The following ARID4A variants were observed in gnomAD, a reference collection of about 807,000 sequenced individuals.
ARID4A encodes AT-rich interactive domain-containing protein 4A.
Under a neutral mutation model 148.6 loss-of-function variants are expected in ARID4A, and 39 were observed. That is an observed-to-expected ratio of 0.26 (90% confidence interval 0.20 to 0.34). The LOEUF is 0.34. ARID4A is among the 10% of genes least tolerant of loss of function. The probability of loss-of-function intolerance (pLI) is 1.00; values close to 1 mark genes in which losing one functional copy is unlikely to be tolerated. For missense variants in ARID4A, 1,265 were observed against 1,449.1 expected (o/e 0.87, Z 2.06); for synonymous variants, 475 against 481.2 (o/e 0.99, Z 0.17).
At chr14:58,346,665 C>A (rs1187639009) in intron 13 of ARID4A, among the ~76,000 whole-genome samples, 160 bp downstream of exon 13, 8 of 151,772 alleles carry the variant, frequency 5.3e-5, no homozygotes, top group Admixed American at 5.3e-4. Flanking sequence ...CGGTGGCTCA[C>A]GCCTGTAATC....
rs2035636954 is a variant in ARID4A, at chr14:58,372,012, A to G, written c.*23A>G. The G allele has an allele frequency of 6.5e-7, 1 of 1,528,620 alleles. No homozygotes were observed. Among genetic ancestry groups the G allele is most frequent in the Non-Finnish European group, 9.1e-7 (1 of 1,104,470 alleles). The allele number at this position is 1,528,620 out of a possible 1,614,324, so 94.7% of individuals were successfully genotyped here. A position where few individuals can be genotyped will look rare whatever the true frequency, so the allele number is the denominator to read the frequency against. On this transcript the variant is annotated 3_prime_UTR_variant, in exon 24 of 24. Coordinates refer to ENST00000355431, the MANE Select transcript of ARID4A (RefSeq NM_002892.4). Reference sequence around the variant, plus strand: ...TGATAAACATTTTCTCTACCTTCCCAGCAGTTTGCTGCCATGGACATAAAT... The same window carrying G: ...TGATAAACATTTTCTCTACCTTCCCGGCAGTTTGCTGCCATGGACATAAAT...
At chr14:58,316,285 T>A (rs1201261857) in intron 5 of ARID4A, among the ~76,000 whole-genome samples, 1 of 151,954 alleles carries the variant, frequency 6.6e-6, no homozygotes, top group African/African-American at 2.4e-5. Flanking sequence ...TGATAATTGT[T>A]TTTGGGTACA....
rs869137059 is a variant in ARID4A at position 58,345,719 on chromosome 14, C to CTTTTTTT, written c.980-669_980-663dup. Among the ~76,000 whole-genome samples the CTTTTTTT allele has an allele frequency of 2.0e-4, 15 of 75,872 alleles. 2 individuals are homozygous for CTTTTTTT. Among genetic ancestry groups the CTTTTTTT allele is most frequent in the South Asian group, 5.1e-4 (1 of 1,958 alleles). 49.8% of individuals were successfully genotyped at this position (75,872 alleles called of 152,430 possible). On this transcript the variant is annotated intron_variant, in intron 12 of 23. Transcript: ENST00000355431. ...TCTGTTGTGTTTGTTTATGCCTAAACTTTTTTTTTTTTTTTTTTTTTTTTT... is the reference window on the plus strand; with the variant it reads ...TCTGTTGTGTTTGTTTATGCCTAAACTTTTTTTTTTTTTTTTTTTTTTTTTTTTTTTT...
chr14:58,331,301 A>G (rs1467873180), intron 11 of ARID4A: 1 of 152,242 alleles, frequency 6.6e-6, no homozygotes, highest in African/African-American at 2.4e-5. Flanking sequence ...GAGGTTTGCC[A>G]GATGCTTTGA....
chr14:58,308,426 T>C (rs552381564), intron 5 of ARID4A, among the ~76,000 whole-genome samples: 3 of 152,326 alleles, frequency 2.0e-5, no homozygotes, highest in South Asian at 4.1e-4. Context: ...TTCACACTTA[T>C]AAAAACAGGG....
rs755285966 is a variant in ARID4A at position 58,367,042 on chromosome 14, T to A, written c.3670+13T>A. On this transcript the variant is annotated intron_variant, in intron 23 of 23. Coordinates refer to ENST00000355431, the MANE Select transcript of ARID4A (RefSeq NM_002892.4). ...AAAGACAGGGAAGGTAATTTTATTA[T>A]GATTTTTCTCCCCTTATATTTCAAA... is the stretch of plus-strand genomic sequence containing the variant. 1 of 1,468,164 alleles carries A rather than the reference T, an allele frequency of 6.8e-7. No homozygotes were observed. The highest frequency in any genetic ancestry group is 2.7e-5 in the Admixed American group (1 of 36,990). 90.9% of individuals were successfully genotyped at this position (1,468,164 alleles called of 1,614,324 possible).
At chr14:58,367,125 T>G (rs576331631) in intron 23 of ARID4A, 96 bp downstream of exon 23, 55 of 945,478 alleles carry the variant, frequency 5.8e-5, no homozygotes, top group Non-Finnish European at 7.5e-5. Flanking sequence ...ATAGTACACA[T>G]TCATTAATTG....
intron 2 of ARID4A, among the ~76,000 whole-genome samples, chr14:58,300,692 T>A (rs2031080229): frequency 6.6e-6 from 1 of 152,150 alleles, no homozygotes. Context: ...TGGGAAAACT[T>A]ATTAGAAAAC....
intron 1 of ARID4A, 37 bp from the exon 2 acceptor site, chr14:58,299,761 T>C: frequency 6.4e-7 from 1 of 1,567,390 alleles, no homozygotes; most frequent in Non-Finnish European, 8.8e-7. Flanking sequence ...CGCAGTTGAC[T>C]GATTATGTCT....
intron 7 of ARID4A, among the ~76,000 whole-genome samples, chr14:58,320,450 G>A (rs1291193543): frequency 6.6e-6 from 1 of 152,188 alleles, no homozygotes; most frequent in South Asian, 2.1e-4. Flanking sequence ...AACTTTGTCA[G>A]TTGTTCCAAT....
At position 58,299,655 on chromosome 14, in the gene ARID4A, C is replaced by T. The variant is rs1351091578; in HGVS notation, c.-57-143C>T. On this transcript the variant is annotated intron_variant, in intron 1 of 23. Coordinates refer to ENST00000355431, the MANE Select transcript of ARID4A (RefSeq NM_002892.4). ...CTCGCTGCCCCCTCAGCTCCTGCGT[C>T]CTGGCTGCCCTCGTAAGGGGTCTTG... 59 of 662,502 alleles carry T rather than the reference C, an allele frequency of 8.9e-5. 1 individual carries two copies. The South Asian group carries it at 9.8e-4, about 11-fold the overall frequency. 41.0% of individuals were successfully genotyped at this position (662,502 alleles called of 1,614,324 possible). A position where few individuals can be genotyped will look rare whatever the true frequency, so the allele number is the denominator to read the frequency against.
At chr14:58,307,265 G>C (rs568483442) in intron 5 of ARID4A, among the ~76,000 whole-genome samples, 161 of 152,270 alleles carry the variant, frequency 1.1e-3, no homozygotes, top group Non-Finnish European at 1.9e-3. Context: ...TAGTTTACTT[G>C]ATTTGTTGCT....
intron 7 of ARID4A, among the ~76,000 whole-genome samples, chr14:58,320,138 G>C (rs2032770348): frequency 6.6e-6 from 1 of 151,344 alleles, no homozygotes; most frequent in Non-Finnish European, 1.5e-5. Context: ...AGTAGAGACA[G>C]GGTTTCACCA....
At chr14:58,368,484 T>C (rs937876152) in intron 23 of ARID4A, among the ~76,000 whole-genome samples, 1 of 151,968 alleles carries the variant, frequency 6.6e-6, no homozygotes, top group Non-Finnish European at 1.5e-5. Context: ...GGAAGCCACA[T>C]GACCAGACAT....
Position 58,304,998 on chromosome 14 carries a change from G to A in ARID4A, c.172G>A (p.Gly58Ser). 1 of 1,604,160 alleles carries A rather than the reference G, an allele frequency of 6.2e-7. No homozygotes were observed. Among genetic ancestry groups the A allele is most frequent in the South Asian group, 1.1e-5 (1 of 88,766 alleles). Residue 58 changes from glycine to serine, a missense_variant, in exon 4 of 24, where the codon GGT (glycine) becomes AGT (serine). By Grantham distance (56) the Gly-to-Ser change is moderately conservative (BLOSUM62 0). Around this residue, in one of 9 missense-constraint regions of ARID4A, gnomAD observed 59 missense variants for 49.8 expected, o/e 1.18. Transcript: ENST00000355431. ...TQLVQDDQVKGPLRVGAIVET... is the reference protein window; with the variant it reads ...TQLVQDDQVKSPLRVGAIVET... ...ATTGGTACAAGATGACCAAGTAAAG[G>A]GTCCTTTAAGAGTATGTATGTTGTA...
chr14:58,302,568 G>A (rs568438661), intron 3 of ARID4A, among the ~76,000 whole-genome samples: 2 of 152,290 alleles, frequency 1.3e-5, no homozygotes, highest in East Asian at 3.9e-4. Context: ...TGAGGCAGGA[G>A]AATCGCTTGA....
rs1174156900 is a variant in ARID4A at position 58,356,699 on chromosome 14, AT to A, written c.1854-2412del. ...AGAAGCCATGGAATTTTGAATTTTG[AT>A]TTTTTTTTTTTTTTTTTTTTAAGAC... On this transcript the variant is annotated intron_variant, in intron 17 of 23. Transcript: ENST00000355431. 6.3e-3 allele frequency among the ~76,000 whole-genome samples: 812 copies of A among 128,054 alleles called. 3 individuals carry two copies. The highest frequency in any genetic ancestry group is 8.0e-3 in the Middle Eastern group (2 of 250). 84.0% of individuals were successfully genotyped at this position (128,054 alleles called of 152,430 possible).
At chr14:58,315,476 T>C (rs1006387287) in intron 5 of ARID4A, among the ~76,000 whole-genome samples, 1 of 152,020 alleles carries the variant, frequency 6.6e-6, no homozygotes, top group Admixed American at 6.5e-5. Context: ...TTATATAAAT[T>C]TTGGAGTGTT....
At chr14:58,347,208 C>G (rs2034416521) in intron 14 of ARID4A, 91 bp downstream of exon 14, 1 of 642,008 alleles carries the variant, frequency 1.6e-6, no homozygotes, top group East Asian at 3.4e-5. Context: ...AATCTAGAAA[C>G]ATTAAAGTTA....
Sources: gnomAD v4.1 joint callset for allele counts (sites outside exome capture counted in the v4.1 genomes callset) on GRCh38, gnomAD v4.1.1 for gene constraint, gnomAD v4.1.1 regional missense constraint, MANE v1.5 for transcripts, NCBI Gene and HGNC (gene_info 2026-07-23, HGNC 2026-07-21) for gene names.